DCTN6: variants seen among roughly 807,000 people sequenced by gnomAD.
The protein encoded by DCTN6 is dynactin subunit 6, also known as dynactin 6.
DCTN6 carries 15 observed loss-of-function variants against 25.8 expected under a neutral mutation model. That is an observed-to-expected ratio of 0.58 (90% CI 0.39 to 0.89). DCTN6 has a LOEUF of 0.89. Among genes scored for constraint, DCTN6 ranks in the 40% least tolerant of loss-of-function variants. The pLI, the probability that DCTN6 is intolerant of heterozygous loss-of-function variation, is 0.00. For synonymous variants in DCTN6, 64 were observed against 78.3 expected, an observed-to-expected ratio of 0.82 and a Z score of 0.96; for missense variants, 198 against 237.6, an observed-to-expected ratio of 0.83 and a Z score of 1.09.
intron 6 of DCTN6, chr8:30,181,000 T>G (rs890915146): frequency 3.5e-6 from 1 of 286,250 alleles, no homozygotes. Context: ...CACTCCAGCC[T>G]GAGCAACAGA....
chr8:30,167,412 C>A (rs1286577145), intron 2 of DCTN6, among the ~76,000 whole-genome samples: 1 of 152,212 alleles, frequency 6.6e-6, no homozygotes, highest in Non-Finnish European at 1.5e-5. Context: ...CCAGTGTGAT[C>A]ATGGCTCACT....
chr8:30,157,006 G>A (rs757556846), intron 1 of DCTN6, among the ~76,000 whole-genome samples: 11 of 152,304 alleles, frequency 7.2e-5, no homozygotes, highest in East Asian at 3.9e-4. Context: ...GATAAATTGC[G>A]TAATGGTGAA....
At chr8:30,169,988 C>T (rs539560315) in intron 2 of DCTN6, among the ~76,000 whole-genome samples, 5 of 152,212 alleles carry the variant, frequency 3.3e-5, no homozygotes, top group Admixed American at 2.0e-4. Context: ...GCCTGGGCAA[C>T]ACGGTGAAAC....
chr8:30,175,586 C>T (rs187315348), intron 3 of DCTN6, among the ~76,000 whole-genome samples: 31 of 151,298 alleles, frequency 2.0e-4, no homozygotes, highest in Admixed American at 1.3e-3. Context: ...TGCCTAAACA[C>T]GTGAATTTAA....
intron 2 of DCTN6, among the ~76,000 whole-genome samples, chr8:30,167,449 G>A (rs1466061543): frequency 6.6e-6 from 1 of 152,154 alleles, no homozygotes; most frequent in Non-Finnish European, 1.5e-5. Context: ...GCACTCAAGT[G>A]ATTCTCCCAC....
chr8:30,176,906 C>T (rs1480019146), intron 3 of DCTN6: 8 of 386,136 alleles, frequency 2.1e-5, no homozygotes, highest in African/African-American at 4.2e-5. Flanking sequence ...ACCCGGGAGA[C>T]GGAGGTTGCA....
intron 2 of DCTN6, among the ~76,000 whole-genome samples, chr8:30,171,953 G>C (rs927223336): frequency 3.9e-5 from 6 of 152,166 alleles, no homozygotes; most frequent in South Asian, 2.1e-4. Flanking sequence ...ATAGAGTCCG[G>C]TGTCTAGACT....
intron 4 of DCTN6, among the ~76,000 whole-genome samples, chr8:30,178,746 G>A (rs1803877106): frequency 6.6e-6 from 1 of 152,146 alleles, no homozygotes; most frequent in Middle Eastern, 3.4e-3. Flanking sequence ...TGCAGCCTCA[G>A]CTCCCAGACT....
chr8:30,170,252 C>G (rs1347363349), intron 2 of DCTN6, among the ~76,000 whole-genome samples: 1 of 150,744 alleles, frequency 6.6e-6, no homozygotes, highest in Admixed American at 6.6e-5. Flanking sequence ...CTACTTCAGT[C>G]TGTGCCCAAA....
In DCTN6 at chr8:30,181,504, A is replaced by G. The variant is rs1042224538; in HGVS notation, c.474+874A>G. Among the ~76,000 whole-genome samples the G allele has an allele frequency of 1.4e-4, 22 of 152,346 alleles. 1 individual carries two copies. The highest frequency in any genetic ancestry group is 5.2e-4 in the Admixed American group (8 of 15,288). ...TATTAGAGTAGGAGATGAAAAAGAT[A>G]GGACATTTGGGCTTCCTTTGGACAT... On this transcript the variant is annotated intron_variant, in intron 6 of 6. Transcript: ENST00000221114.
At position 30,160,814 on chromosome 8, in the gene DCTN6, C is replaced by T. The variant is rs73581528; in HGVS notation, c.24-3297C>T. 7.7e-3 allele frequency among the ~76,000 whole-genome samples: 1,171 copies of T among 152,266 alleles called. 13 individuals are homozygous for T. The highest frequency in any genetic ancestry group is 0.027 in the African/African-American group (1,113 of 41,540). On this transcript the variant is annotated intron_variant, in intron 1 of 6. Coordinates refer to ENST00000221114, the MANE Select transcript of DCTN6 (RefSeq NM_006571.4). ...AGGACTGGTCCTGGAACCAATCTCC[C>T]ACAGATACTGGGTACTGAGGGATGC... is the stretch of plus-strand genomic sequence containing the variant.
At chr8:30,169,116 A>G (rs534382818) in intron 2 of DCTN6, among the ~76,000 whole-genome samples, 1 of 152,342 alleles carries the variant, frequency 6.6e-6, no homozygotes, top group African/African-American at 2.4e-5. Context: ...TGTCCCACTT[A>G]CTTAGTCTCT....
rs1803611592 is a variant in DCTN6 at position 30,162,626 on chromosome 8, G to A, written c.24-1485G>A. Among the ~76,000 whole-genome samples the A allele has an allele frequency of 2.0e-5, 3 of 152,122 alleles. No homozygotes were observed. In the South Asian group the frequency reaches 6.2e-4, roughly 32 times the overall value. On this transcript the variant is annotated intron_variant, in intron 1 of 6. Transcript: ENST00000221114. The stretch of plus-strand genomic sequence containing the variant: ...TCATTTGATGTACTTCCTCATGTCA[G>A]CTCATGGTTCAGCTAGGGTCAGTGT...
At chr8:30,164,621 G>T (rs4601276) in intron 2 of DCTN6, among the ~76,000 whole-genome samples, 3,850 of 152,254 alleles carry the variant, frequency 0.025, 78 homozygotes, top group South Asian at 0.077. Context: ...TAACCTTGAT[G>T]TTTTTCCCAT....
At chr8:30,166,130 A>G (rs556891042) in intron 2 of DCTN6, among the ~76,000 whole-genome samples, 3 of 152,300 alleles carry the variant, frequency 2.0e-5, no homozygotes, top group Admixed American at 6.5e-5. Flanking sequence ...ATGATATTCT[A>G]GGAATAATAC....
chr8:30,170,052 A>G (rs1451211031), intron 2 of DCTN6, among the ~76,000 whole-genome samples: 5 of 152,078 alleles, frequency 3.3e-5, no homozygotes, highest in African/African-American at 9.7e-5. Flanking sequence ...GGGCTCCTGT[A>G]GTCCCAGCTA....
chr8:30,159,835 C>T (rs1803575198), intron 1 of DCTN6, among the ~76,000 whole-genome samples: 13 of 151,194 alleles, frequency 8.6e-5, no homozygotes, highest in Admixed American at 8.6e-4. Context: ...AATCTCAGCT[C>T]ACTGCAACCT....
At chr8:30,163,954 G>A (rs150431966) in intron 1 of DCTN6, among the ~76,000 whole-genome samples, 157 bp from the exon 2 acceptor site, 2,360 of 152,054 alleles carry the variant, frequency 0.016, 57 homozygotes, top group African/African-American at 0.054. Context: ...CCCCCACCTC[G>A]GCCTCCCAAA....
chr8:30,162,277 G>A (rs1324827078), intron 1 of DCTN6, among the ~76,000 whole-genome samples: 2 of 151,890 alleles, frequency 1.3e-5, no homozygotes, highest in Non-Finnish European at 2.9e-5. Flanking sequence ...AGTAGAGACG[G>A]GGTTTTGCCA....
Sources: allele counts gnomAD v4.1 joint callset (sites outside exome capture counted in the v4.1 genomes callset), GRCh38; gene constraint gnomAD v4.1.1; transcripts MANE v1.5; gene names NCBI Gene and HGNC (gene_info 2026-07-23, HGNC 2026-07-21).